Variants in NCOA6 observed in about 807,000 individuals in gnomAD.
The protein encoded by NCOA6 is nuclear receptor coactivator 6.
In NCOA6, 49 loss-of-function variants were observed where a neutral mutation model predicts 171.4. The ratio of observed to expected loss-of-function variants is 0.29; its 90% CI spans 0.23 to 0.36. The LOEUF is 0.36. Among genes scored for constraint, NCOA6 ranks in the 10% least tolerant of loss-of-function variants. NCOA6 has a pLI of 1.00. For missense variants in NCOA6, 2,248 were observed against 2,554.5 expected, an observed-to-expected ratio of 0.88 and a Z score of 2.59; for synonymous variants, 910 against 927.5, an observed-to-expected ratio of 0.98 and a Z score of 0.34.
intron 8 of NCOA6, among the ~76,000 whole-genome samples, chr20:34,753,898 A>C (rs1176382242): frequency 1.3e-5 from 2 of 152,232 alleles, no homozygotes; most frequent in African/African-American, 4.8e-5. Context: ...TTCAGAAACT[A>C]GTTGCACTAT....
At chr20:34,789,732 A>G (rs1054024317) in intron 2 of NCOA6, among the ~76,000 whole-genome samples, 4 of 152,164 alleles carry the variant, frequency 2.6e-5, no homozygotes, top group African/African-American at 9.7e-5. Flanking sequence ...GGTTGTGGTG[A>G]GCTGAAATTG....
At chr20:34,736,816 A>G in intron 11 of NCOA6, 58 bp from the exon 12 acceptor site, 1 of 1,462,528 alleles carries the variant, frequency 6.8e-7, no homozygotes, top group Non-Finnish European at 9.3e-7. Context: ...ACAAAAAGAA[A>G]GCATTAACCT....
At chr20:34,801,078 G>A (rs756852998) in intron 1 of NCOA6, among the ~76,000 whole-genome samples, 38 of 151,962 alleles carry the variant, frequency 2.5e-4, no homozygotes, top group Admixed American at 5.2e-4. Flanking sequence ...ACAAACACAT[G>A]GAAATTAAAC....
At chr20:34,737,940 C>T (rs1042856571) in intron 11 of NCOA6, among the ~76,000 whole-genome samples, 3 of 152,154 alleles carry the variant, frequency 2.0e-5, no homozygotes, top group African/African-American at 7.2e-5. Context: ...GCTCTGTTGC[C>T]CAGGCTGTAG....
chr20:34,782,308 C>A lies in NCOA6; in HGVS notation c.48G>T (p.Leu16Phe), dbSNP rs761497833. ...LPNLEDIYTS[L>F]CSSTMEDSEM... is the part of the protein sequence containing the mutation. ...CTGAGTCTTCCATTGTTGATGAACA[C>A]AAGGAAGTATAGATGTCTTCTAAGT... Residue 16 changes from leucine (L) to phenylalanine (F), a missense_variant, in exon 3 of 15, where the codon TTG becomes TTT. Transcript: ENST00000359003. The A allele has an allele frequency of 6.2e-7, 1 of 1,612,616 alleles. No individual in the cohort carries two copies. The highest frequency in any genetic ancestry group is 1.7e-5 in the Admixed American group (1 of 59,878).
chr20:34,752,480 A>C (rs1186604440), intron 8 of NCOA6, among the ~76,000 whole-genome samples: 1 of 152,228 alleles, frequency 6.6e-6, no homozygotes. Flanking sequence ...GCATCCTTGG[A>C]GCCTACAGTC....
At chr20:34,769,340 A>C (rs1568817454) in intron 4 of NCOA6, among the ~76,000 whole-genome samples, 2 of 151,270 alleles carry the variant, frequency 1.3e-5, no homozygotes, top group Non-Finnish European at 2.9e-5. Flanking sequence ...CCACAGGCGC[A>C]CATCACTATG....
At chr20:34,809,737 T>G (rs1300409877) in intron 1 of NCOA6, among the ~76,000 whole-genome samples, 2 of 152,122 alleles carry the variant, frequency 1.3e-5, no homozygotes, top group Non-Finnish European at 2.9e-5. Flanking sequence ...GAAGCCAAGG[T>G]GGGTGGATCA....
At chr20:34,778,426 G>A (rs1368797173) in intron 3 of NCOA6, among the ~76,000 whole-genome samples, 1 of 151,016 alleles carries the variant, frequency 6.6e-6, no homozygotes, top group Non-Finnish European at 1.5e-5. Context: ...GGTTAGAGAC[G>A]TTCAATTTTT....
At chr20:34,777,095 C>CAG (rs2077349022) in intron 3 of NCOA6, among the ~76,000 whole-genome samples, 1 of 88,570 alleles carries the variant, frequency 1.1e-5, no homozygotes, top group Non-Finnish European at 2.0e-5. Flanking sequence ...CCAGCCTGGG[C>CAG]AACAAAGTGA....
At chr20:34,813,979 A>C (rs2078752504) in intron 1 of NCOA6, among the ~76,000 whole-genome samples, 1 of 152,168 alleles carries the variant, frequency 6.6e-6, no homozygotes, top group African/African-American at 2.4e-5. Context: ...ATATATTCTA[A>C]GAAAAAAACT....
intron 3 of NCOA6, among the ~76,000 whole-genome samples, chr20:34,781,164 C>G (rs2146190063): frequency 6.6e-6 from 1 of 152,142 alleles, no homozygotes; most frequent in East Asian, 1.9e-4. Context: ...TATGGAGAAC[C>G]TTGTACAACA....
chr20:34,791,617 C>T (rs2146327874), intron 2 of NCOA6, among the ~76,000 whole-genome samples: 1 of 152,264 alleles, frequency 6.6e-6, no homozygotes, highest in South Asian at 2.1e-4. Flanking sequence ...GATACAAAAA[C>T]TACTTCTCAG....
intron 1 of NCOA6, among the ~76,000 whole-genome samples, chr20:34,817,780 A>G (rs538384468): frequency 6.6e-6 from 1 of 152,318 alleles, no homozygotes; most frequent in South Asian, 2.1e-4. Context: ...TCTAGTGAGA[A>G]GTAAGAGAGT....
chr20:34,769,397 T>G (rs1270690445), intron 4 of NCOA6, among the ~76,000 whole-genome samples: 1 of 151,384 alleles, frequency 6.6e-6, no homozygotes, highest in Non-Finnish European at 1.5e-5. Flanking sequence ...GGAGTCTTGC[T>G]CTGTCACTCA....
At chr20:34,740,306 T>C in intron 11 of NCOA6, 57 bp downstream of exon 11, 3 of 1,545,048 alleles carry the variant, frequency 1.9e-6, no homozygotes, top group Non-Finnish European at 2.6e-6. Context: ...CTTTCTCTTG[T>C]GGGATTAGGT....
chr20:34,726,404 A>T (rs1349078363), intron 14 of NCOA6, among the ~76,000 whole-genome samples: 1 of 152,196 alleles, frequency 6.6e-6, no homozygotes, highest in Non-Finnish European at 1.5e-5. Flanking sequence ...TTTAAAAAGA[A>T]TAGAGTGGGA....
At position 34,757,509 on chromosome 20, in the gene NCOA6, C is replaced by A; in HGVS notation, c.1239G>T (p.Arg413Ser). ...QMKSLQGGPSRVPTPLQQPHL... is the reference protein window; with the variant it reads ...QMKSLQGGPSSVPTPLQQPHL... ...GGGGCTGCTGCAAGGGAGTTGGGAC[C>A]CTAGAGGGCCCTCCCTGCAAACTCT... Residue 413 changes from arginine to serine, a missense_variant, in exon 7 of 15, where the codon AGG becomes AGT. Arg to Ser is a moderately radical substitution (Grantham distance 110). Around this residue, in one of 7 missense-constraint regions of NCOA6, gnomAD observed 987 missense variants for 1,104.7 expected, o/e 0.89. Transcript: ENST00000359003. 6.2e-7 allele frequency: 1 copy of A among 1,613,780 alleles called. No individual in the cohort carries two copies. The highest frequency in any genetic ancestry group is 8.5e-7 in the Non-Finnish European group (1 of 1,179,886).
intron 3 of NCOA6, among the ~76,000 whole-genome samples, chr20:34,777,334 G>A (rs533966386): frequency 5.1e-4 from 78 of 152,054 alleles, no homozygotes; most frequent in African/African-American, 1.5e-3. Context: ...TGCGGGGCAC[G>A]GTGGCTCACA....
Sources: gnomAD v4.1 joint callset for allele counts (sites outside exome capture counted in the v4.1 genomes callset) on GRCh38, gnomAD v4.1.1 for gene constraint, gnomAD v4.1.1 regional missense constraint, MANE v1.5 for transcripts, NCBI Gene and HGNC (gene_info 2026-07-23, HGNC 2026-07-21) for gene names.